Variants in DMD observed in about 807,000 individuals in gnomAD.
The protein encoded by DMD is mutant dystrophin.
DMD carries 63 observed loss-of-function variants against 330.1 expected under a neutral mutation model. The ratio of observed to expected loss-of-function variants is 0.19; its 90% CI spans 0.16 to 0.24. The LOEUF is 0.24. Among genes scored for constraint, DMD ranks in the 10% least tolerant of loss-of-function variants. The pLI is 1.00. For missense variants in DMD, 3,344 were observed against 2,684.1 expected (o/e 1.25, Z -5.43); for synonymous variants, 1,223 against 959.8 (o/e 1.27, Z -5.07).
intron 2 of DMD, among the ~76,000 whole-genome samples, chrX:32,870,981 A>AAAAAAAAAAAAAAAAAAAAAAAAAAAAG (rs1569537090): frequency 1.2e-5 from 1 of 82,578 alleles, no homozygotes; most frequent in Non-Finnish European, 2.4e-5. Context: ...AAAAAAAAAA[A>AAAAAAAAAAAAAAAAAAAAAAAAAAAAG]AAAAAAACCA....
intron 44 of DMD, among the ~76,000 whole-genome samples, chrX:32,084,612 G>T (rs1002337508): frequency 3.6e-5 from 4 of 111,441 alleles, no homozygotes; most frequent in African/African-American, 1.3e-4. Context: ...GATAGATGAT[G>T]GTGCCAAATT....
chrX:31,917,354 G>T (rs2094622502), intron 47 of DMD, among the ~76,000 whole-genome samples: 1 of 112,077 alleles, frequency 8.9e-6, no homozygotes, highest in African/African-American at 3.2e-5. Context: ...GCATACCTGT[G>T]TTCACAAAAC....
chrX:32,699,342 G>A lies in DMD; in HGVS notation c.650-49C>T, dbSNP rs764787507. The A allele has an allele frequency of 5.3e-5, 51 of 969,164 alleles. No individual in the cohort carries two copies. The South Asian group carries it at 8.9e-4, about 17-fold the overall frequency. 79.9% of individuals were successfully genotyped at this position (969,164 alleles called of 1,213,427 possible). ...ATCAATTTTTGGTTTCTATATTTGAGACTCTAAAAGGATAATGAACAAATC... is the reference window on the plus strand; with the variant it reads ...ATCAATTTTTGGTTTCTATATTTGAAACTCTAAAAGGATAATGAACAAATC... On this transcript the variant is annotated intron_variant, in intron 7 of 78. Coordinates refer to ENST00000357033, the MANE Select transcript of DMD (RefSeq NM_004006.3).
At chrX:31,411,906 G>A (rs926393008) in intron 60 of DMD, among the ~76,000 whole-genome samples, 6 of 110,886 alleles carry the variant, frequency 5.4e-5, no homozygotes, top group South Asian at 3.9e-4. Context: ...CTGGCTGGGC[G>A]TGGTGGCTCA....
intron 9 of DMD, among the ~76,000 whole-genome samples, chrX:32,673,042 T>A: frequency 9.0e-6 from 1 of 111,523 alleles, no homozygotes; most frequent in Non-Finnish European, 1.9e-5. Context: ...TGTGTGTGTA[T>A]GTGTATGTGT....
Position 32,501,302 on chromosome X carries a change from A to G in DMD, c.2380+453T>C, listed in dbSNP as rs568026929. 1.6e-4 allele frequency among the ~76,000 whole-genome samples: 18 copies of G among 112,125 alleles called. No individual in the cohort carries two copies. The South Asian group carries it at 6.3e-3, about 39-fold the overall frequency. On this transcript the variant is annotated intron_variant, in intron 19 of 78. Coordinates refer to ENST00000357033, the MANE Select transcript of DMD (RefSeq NM_004006.3). ...AGGAAGTGATAAAAAGTAACACAGA[A>G]AATGTCATATATATTATTACAAAAC...
intron 1 of DMD, among the ~76,000 whole-genome samples, chrX:33,284,965 C>T (rs2053408108): frequency 9.1e-6 from 1 of 109,351 alleles, no homozygotes; most frequent in Non-Finnish European, 1.9e-5. Flanking sequence ...TAAAACAGTA[C>T]TTCATAGCAT....
chrX:32,252,707 A>AATATATAAATATATATATAAATAT (rs2097272220), intron 43 of DMD, among the ~76,000 whole-genome samples: 1 of 18,328 alleles, frequency 5.5e-5, no homozygotes, highest in African/African-American at 2.1e-4. Flanking sequence ...AATATATATA[A>AATATATAAATATATATATAAATAT]ATATATAAAT....
chrX:31,922,528 G>GCA (rs2094706924), intron 47 of DMD, among the ~76,000 whole-genome samples: 1 of 110,043 alleles, frequency 9.1e-6, no homozygotes, highest in Non-Finnish European at 1.9e-5. Context: ...GTGTGTGTGC[G>GCA]CGCGCGTGCG....
chrX:32,323,693 A>G (rs1307317008), intron 41 of DMD, among the ~76,000 whole-genome samples: 1 of 111,612 alleles, frequency 9.0e-6, no homozygotes, highest in African/African-American at 3.3e-5. Context: ...ATGATAGTAC[A>G]AAGTATAACT....
In DMD at chrX:32,999,816, A is replaced by C. The variant is rs201362091; in HGVS notation, c.93+20323T>G. On this transcript the variant is annotated intron_variant, in intron 2 of 78. Coordinates refer to ENST00000357033, the MANE Select transcript of DMD (RefSeq NM_004006.3). ...AACAAAAACAAAAAACAAAAAAAAA[A>C]CCGAAAAAACAAGAAATGTCTTCTG... 6.3e-3 allele frequency among the ~76,000 whole-genome samples: 700 copies of C among 110,553 alleles called. 6 individuals carry two copies. The highest frequency in any genetic ancestry group is 0.021 in the African/African-American group (650 of 30,651).
At chrX:32,412,298 A>T (rs2098146120) in intron 29 of DMD, 1 of 819,988 alleles carries the variant, frequency 1.2e-6, no homozygotes, top group Non-Finnish European at 1.6e-6. Context: ...GGTCATCGTC[A>T]TCACAATCCA....
At chrX:33,144,665 G>A (rs2047944373) in intron 1 of DMD, among the ~76,000 whole-genome samples, 1 of 111,737 alleles carries the variant, frequency 8.9e-6, no homozygotes, top group South Asian at 3.8e-4. Flanking sequence ...AAGATGATTG[G>A]AGAGTGTAGA....
chrX:31,181,027 C>G (rs996187236), intron 68 of DMD, among the ~76,000 whole-genome samples: 2 of 112,021 alleles, frequency 1.8e-5, no homozygotes, highest in African/African-American at 6.5e-5. Context: ...AACAGTTACT[C>G]GAATGAACTC....
intron 26 of DMD, among the ~76,000 whole-genome samples, chrX:32,449,447 C>T (rs897701959): frequency 1.8e-5 from 2 of 110,054 alleles, no homozygotes; most frequent in African/African-American, 3.3e-5. Flanking sequence ...CAACTTTAGC[C>T]TCATTCTGGT....
intron 1 of DMD, among the ~76,000 whole-genome samples, chrX:33,210,965 C>T (rs1479447963): frequency 9.0e-6 from 1 of 111,357 alleles, no homozygotes; most frequent in Non-Finnish European, 1.9e-5. Context: ...CAAACTATCT[C>T]ACAGCAATCA....
At chrX:32,605,498 G>A (rs2056616741) in intron 12 of DMD, among the ~76,000 whole-genome samples, 1 of 110,171 alleles carries the variant, frequency 9.1e-6, no homozygotes, top group African/African-American at 3.3e-5. Context: ...CTTGGGCAAA[G>A]AATTTATGAC....
At chrX:32,933,131 G>C (rs910030336) in intron 2 of DMD, among the ~76,000 whole-genome samples, 3 of 107,091 alleles carry the variant, frequency 2.8e-5, no homozygotes, top group South Asian at 4.3e-4. Context: ...TTCCCGTTTT[G>C]ATAAGAATGT....
rs1007505628 is a variant in DMD at position 31,925,294 on chromosome X, T to C, written c.6912+4302A>G. Among the ~76,000 whole-genome samples the C allele has an allele frequency of 2.7e-5, 3 of 111,996 alleles. No individual in the cohort carries two copies. The Admixed American group carries it at 2.8e-4, about 11-fold the overall frequency. On this transcript the variant is annotated intron_variant, in intron 47 of 78. Coordinates refer to ENST00000357033, the MANE Select transcript of DMD (RefSeq NM_004006.3). ...TTTTGGAATCACTTTTATATTTAAA[T>C]AGAAAGCTACATGGTCTCAAATAAG...
Sources: allele counts gnomAD v4.1 joint callset (sites outside exome capture counted in the v4.1 genomes callset), GRCh38; gene constraint gnomAD v4.1.1; transcripts MANE v1.5; gene names NCBI Gene and HGNC (gene_info 2026-07-23, HGNC 2026-07-21).